The following TMEM163 variants were observed in gnomAD, a reference collection of about 807,000 sequenced individuals.
TMEM163 encodes transmembrane protein 163.
In TMEM163, 17 loss-of-function variants were observed where a neutral mutation model predicts 29.3. That is an observed-to-expected ratio of 0.58 (90% CI 0.40 to 0.87). The LOEUF is 0.87. Among genes scored for constraint, TMEM163 ranks in the 40% least tolerant of loss-of-function variants. The pLI is 0.00. For synonymous variants in TMEM163, 157 were observed against 160.6 expected, an observed-to-expected ratio of 0.98 and a Z score of 0.17; for missense variants, 303 against 381.5, an observed-to-expected ratio of 0.79 and a Z score of 1.71.
At chr2:134,572,677 G>T (rs909184959) in intron 2 of TMEM163, among the ~76,000 whole-genome samples, 1 of 152,062 alleles carries the variant, frequency 6.6e-6, no homozygotes, top group Non-Finnish European at 1.5e-5. Context: ...TTGATGTCAC[G>T]TGCCCTTCCT....
rs1431886108 is a variant in TMEM163, at chr2:134,455,990, AG to A, written c.*725del. 6.5e-6 allele frequency: 1 copy of A among 152,690 alleles called. No homozygotes were observed. Among genetic ancestry groups the A allele is most frequent in the African/African-American group, 2.4e-5 (1 of 41,454 alleles). The allele number at this position is 152,690 out of a possible 1,614,324, so 9.5% of individuals were successfully genotyped here. ...CATATAGATATATGCATATACGGATAGATTATATTTATTTATTACAAATAAA... is the reference window on the plus strand; with the variant it reads ...CATATAGATATATGCATATACGGATAATTATATTTATTTATTACAAATAAA... On this transcript the variant is annotated 3_prime_UTR_variant, in exon 8 of 8. Coordinates refer to ENST00000281924, the MANE Select transcript of TMEM163 (RefSeq NM_030923.5).
intron 2 of TMEM163, among the ~76,000 whole-genome samples, chr2:134,655,176 C>T (rs1212385638): frequency 7.1e-6 from 1 of 140,846 alleles, no homozygotes; most frequent in Non-Finnish European, 1.5e-5. Context: ...CCATCACTTT[C>T]AGGTACACCA....
At chr2:134,656,155 C>T (rs532833288) in intron 2 of TMEM163, among the ~76,000 whole-genome samples, 2 of 144,832 alleles carry the variant, frequency 1.4e-5, no homozygotes, top group East Asian at 3.9e-4. Flanking sequence ...GCCTCGCTGC[C>T]GCCTTGCAGT....
chr2:134,496,068 T>C (rs1468195073), intron 5 of TMEM163, among the ~76,000 whole-genome samples: 2 of 151,862 alleles, frequency 1.3e-5, no homozygotes, highest in African/African-American at 4.8e-5. Flanking sequence ...TTAACTATTT[T>C]TTTTTTTTTT....
At chr2:134,622,221 T>C (rs1183848713) in intron 2 of TMEM163, among the ~76,000 whole-genome samples, 1 of 152,164 alleles carries the variant, frequency 6.6e-6, no homozygotes, top group Non-Finnish European at 1.5e-5. Flanking sequence ...TGTTTTACAA[T>C]GGAATAATGG....
intron 1 of TMEM163, among the ~76,000 whole-genome samples, chr2:134,714,137 T>C (rs1684987862): frequency 1.3e-5 from 2 of 150,930 alleles, no homozygotes; most frequent in South Asian, 4.2e-4. Flanking sequence ...CACAACTGCC[T>C]GGGGTCAAAG....
chr2:134,508,921 A>C (rs1679885984), intron 4 of TMEM163, among the ~76,000 whole-genome samples: 1 of 152,150 alleles, frequency 6.6e-6, no homozygotes, highest in African/African-American at 2.4e-5. Flanking sequence ...CCATGGTAAG[A>C]GCCTCCACTT....
chr2:134,628,096 C>G (rs755892087), intron 2 of TMEM163, among the ~76,000 whole-genome samples: 38 of 152,252 alleles, frequency 2.5e-4, no homozygotes, highest in South Asian at 4.2e-4. Flanking sequence ...GAGCAACCTT[C>G]TTGGGGACAA....
chr2:134,718,258 C>G (rs956060300), intron 1 of TMEM163, among the ~76,000 whole-genome samples: 7 of 152,064 alleles, frequency 4.6e-5, no homozygotes, highest in African/African-American at 1.7e-4. Flanking sequence ...GCCGGGCGGC[C>G]GCCGAGGGAC....
At chr2:134,490,226 A>C (rs1289384418) in intron 5 of TMEM163, among the ~76,000 whole-genome samples, 1 of 152,156 alleles carries the variant, frequency 6.6e-6, no homozygotes, top group African/African-American at 2.4e-5. Flanking sequence ...GGTCGGGGGC[A>C]GGGTTAGCTA....
In TMEM163 at chr2:134,713,019, C is replaced by G. The variant is rs1355302094; in HGVS notation, c.322+181G>C. Among the ~76,000 whole-genome samples the G allele has an allele frequency of 4.6e-5, 7 of 152,256 alleles. No homozygotes were observed. The South Asian group carries it at 1.5e-3, about 32-fold the overall frequency. On this transcript the variant is annotated intron_variant, in intron 2 of 7. Coordinates refer to ENST00000281924, the MANE Select transcript of TMEM163 (RefSeq NM_030923.5). ...ACTCTCCACCTCATCTTCTTACCAC[C>G]CTTTCCTATGCAGAGAAGAAAGCCT...
intron 2 of TMEM163, among the ~76,000 whole-genome samples, chr2:134,690,426 C>A (rs2104882878): frequency 6.6e-6 from 1 of 152,138 alleles, no homozygotes; most frequent in East Asian, 1.9e-4. Context: ...GCTGGGATTA[C>A]AAGTGTGTGC....
At chr2:134,516,711 A>G (rs6430521) in intron 4 of TMEM163, among the ~76,000 whole-genome samples, 19 of 119,392 alleles carry the variant, frequency 1.6e-4, no homozygotes, top group Admixed American at 6.6e-4. Context: ...ATTCATATAT[A>G]CATATATATT....
intron 4 of TMEM163, among the ~76,000 whole-genome samples, chr2:134,513,671 C>T (rs908359598): frequency 5.9e-5 from 9 of 152,194 alleles, no homozygotes; most frequent in Admixed American, 2.0e-4. Flanking sequence ...CAGGGCCTGA[C>T]CTGCATTCAT....
intron 2 of TMEM163, among the ~76,000 whole-genome samples, chr2:134,648,917 CG>C (rs1180353079): frequency 1.3e-5 from 2 of 152,184 alleles, no homozygotes; most frequent in African/African-American, 4.8e-5. Flanking sequence ...TGATGGCTCA[CG>C]GCTAAAAACT....
intron 4 of TMEM163, among the ~76,000 whole-genome samples, chr2:134,508,834 T>C (rs1679884474): frequency 1.3e-5 from 2 of 152,170 alleles, no homozygotes; most frequent in South Asian, 2.1e-4. Flanking sequence ...GCTGTGTTTG[T>C]GGAGCGGGTG....
chr2:134,514,780 T>C (rs1680022400), intron 4 of TMEM163, among the ~76,000 whole-genome samples: 1 of 152,190 alleles, frequency 6.6e-6, no homozygotes, highest in Non-Finnish European at 1.5e-5. Flanking sequence ...CTTGGCCGTG[T>C]GACTTGCTCT....
chr2:134,690,919 T>C (rs1684450689), intron 2 of TMEM163, among the ~76,000 whole-genome samples: 1 of 152,168 alleles, frequency 6.6e-6, no homozygotes, highest in South Asian at 2.1e-4. Flanking sequence ...AACTTCCTCA[T>C]TCATTTATTC....
In TMEM163 at chr2:134,519,673, C is replaced by T. The variant is rs545215797; in HGVS notation, c.459-16676G>A. On this transcript the variant is annotated intron_variant, in intron 4 of 7. Transcript: ENST00000281924. ...CTTGCAGTGAGCCGAGATCGTGCCA[C>T]TGCCCTCCAGCCTGGGTGACAGAGT... 5.9e-5 allele frequency among the ~76,000 whole-genome samples: 9 copies of T among 151,932 alleles called. No individual in the cohort carries two copies. In the South Asian group the frequency reaches 1.0e-3, roughly 18 times the overall value.
Sources: allele counts gnomAD v4.1 joint callset (sites outside exome capture counted in the v4.1 genomes callset), GRCh38; gene constraint gnomAD v4.1.1; transcripts MANE v1.5; gene names NCBI Gene and HGNC (gene_info 2026-07-23, HGNC 2026-07-21).